The following PRKG1 variants were observed in gnomAD, a reference collection of about 807,000 sequenced individuals.
PRKG1 encodes protein kinase cGMP-dependent 1.
A neutral mutation model predicts 88.1 loss-of-function variants in PRKG1; 35 were observed. The ratio of observed to expected loss-of-function variants is 0.40; its 90% confidence interval spans 0.30 to 0.53. PRKG1 has a LOEUF of 0.53. PRKG1 is among the 20% of genes least tolerant of loss of function. The pLI is 0.59. For missense variants in PRKG1, 540 were observed against 839.8 expected, an observed-to-expected ratio of 0.64 and a Z score of 4.41; for synonymous variants, 303 against 292.5, an observed-to-expected ratio of 1.04 and a Z score of -0.37.
At chr10:51,677,894 T>A (rs985099456) in intron 3 of PRKG1, among the ~76,000 whole-genome samples, 1 of 152,184 alleles carries the variant, frequency 6.6e-6, no homozygotes, top group East Asian at 1.9e-4. Context: ...ACATGGAAGA[T>A]CCCATATTTT....
intron 3 of PRKG1, among the ~76,000 whole-genome samples, chr10:51,526,017 G>C (rs1477675820): frequency 6.6e-6 from 1 of 152,030 alleles, no homozygotes; most frequent in African/African-American, 2.4e-5. Context: ...ATGGGGTTTT[G>C]CCATGTTGGC....
intron 5 of PRKG1, among the ~76,000 whole-genome samples, chr10:51,963,029 A>G (rs942067067): frequency 2.0e-5 from 3 of 152,204 alleles, no homozygotes; most frequent in Non-Finnish European, 4.4e-5. Flanking sequence ...GTCATTTATC[A>G]TAGTAGAAAT....
intron 4 of PRKG1, among the ~76,000 whole-genome samples, chr10:51,897,162 A>C (rs987028385): frequency 6.6e-6 from 1 of 152,238 alleles, no homozygotes; most frequent in African/African-American, 2.4e-5. Context: ...AATGTCTAAT[A>C]AGCTTGCTAA....
At chr10:51,096,079 A>T (rs1844520127) in intron 1 of PRKG1, among the ~76,000 whole-genome samples, 1 of 152,126 alleles carries the variant, frequency 6.6e-6, no homozygotes, top group Non-Finnish European at 1.5e-5. Context: ...AATTAGAAAT[A>T]TGCAATTCTT....
At chr10:52,288,162 C>T (rs1223513568) in intron 14 of PRKG1, among the ~76,000 whole-genome samples, 2 of 152,132 alleles carry the variant, frequency 1.3e-5, no homozygotes, top group East Asian at 1.9e-4. Context: ...GAGGAAACAG[C>T]ATAACACTTA....
At chr10:51,464,031 G>C (rs1839813900) in intron 2 of PRKG1, among the ~76,000 whole-genome samples, 1 of 152,034 alleles carries the variant, frequency 6.6e-6, no homozygotes, top group Non-Finnish European at 1.5e-5. Flanking sequence ...CAACACTTTG[G>C]GAGGCCAAGG....
chr10:51,620,463 T>A (rs1351215213), intron 3 of PRKG1, among the ~76,000 whole-genome samples: 1 of 152,028 alleles, frequency 6.6e-6, no homozygotes, highest in Non-Finnish European at 1.5e-5. Flanking sequence ...TTTGGTACAG[T>A]CCTAGGTAAT....
chr10:51,376,635 C>T lies in PRKG1; in HGVS notation c.479-91088C>T, dbSNP rs1048652570. 7.2e-5 allele frequency among the ~76,000 whole-genome samples: 11 copies of T among 152,046 alleles called. 1 individual carries two copies. In the East Asian group the frequency reaches 1.5e-3, roughly 21 times the overall value. The stretch of plus-strand genomic sequence containing the variant: ...GCCCATTTATTTCAAGTCACATTTA[C>T]TAGGGTTTTGTTTGTTTTCTTGTTT... On this transcript the variant is annotated intron_variant, in intron 2 of 17. Coordinates refer to ENST00000373980, the MANE Select transcript of PRKG1 (RefSeq NM_006258.4).
intron 9 of PRKG1, among the ~76,000 whole-genome samples, chr10:52,215,884 T>C (rs1840097841): frequency 6.6e-6 from 1 of 152,170 alleles, no homozygotes; most frequent in African/African-American, 2.4e-5. Flanking sequence ...ATGTTTCACA[T>C]GAAGAACAAA....
At chr10:51,749,202 A>G (rs557824241) in intron 3 of PRKG1, among the ~76,000 whole-genome samples, 3 of 152,324 alleles carry the variant, frequency 2.0e-5, no homozygotes, top group East Asian at 3.9e-4. Flanking sequence ...TATGCCATCT[A>G]TGAGAAAATG....
chr10:52,120,806 G>T (rs1847803316), intron 7 of PRKG1, among the ~76,000 whole-genome samples: 1 of 152,068 alleles, frequency 6.6e-6, no homozygotes, highest in Non-Finnish European at 1.5e-5. Flanking sequence ...CACTCTGGCG[G>T]CTCTACGGTT....
chr10:51,895,152 G>T (rs1841812931), intron 4 of PRKG1, among the ~76,000 whole-genome samples: 1 of 152,164 alleles, frequency 6.6e-6, no homozygotes, highest in South Asian at 2.1e-4. Flanking sequence ...AGGTGTCGAA[G>T]AATTGAGTTT....
In PRKG1 at chr10:51,681,047, T is replaced by C. The variant is rs375848198; in HGVS notation, c.593-123538T>C. Reference sequence around the variant, plus strand: ...GTTTTAATAATATTAATGCTACAAATCAGTGATGACATTAGTTAGTTGATC... The same window carrying C: ...GTTTTAATAATATTAATGCTACAAACCAGTGATGACATTAGTTAGTTGATC... On this transcript the variant is annotated intron_variant, in intron 3 of 17. Coordinates refer to ENST00000373980, the MANE Select transcript of PRKG1 (RefSeq NM_006258.4). Among the ~76,000 whole-genome samples the C allele has an allele frequency of 9.8e-5, 15 of 152,314 alleles. No individual in the cohort carries two copies. The East Asian group carries it at 2.7e-3, about 27-fold the overall frequency.
At chr10:51,548,959 T>G (rs1842509926) in intron 3 of PRKG1, among the ~76,000 whole-genome samples, 1 of 151,940 alleles carries the variant, frequency 6.6e-6, no homozygotes, top group Non-Finnish European at 1.5e-5. Flanking sequence ...ACTTTCTTAG[T>G]GAATTTTACT....
In PRKG1 at chr10:51,907,558, T is replaced by A; in HGVS notation, c.750T>A (p.Asp250Glu). Residue 250 changes from aspartate (D) to glutamate (E), a missense_variant, in exon 5 of 18, where the codon GAT (aspartate) becomes GAA (glutamate). By Grantham distance (45) the Asp-to-Glu change is conservative (BLOSUM62 2). Transcript: ENST00000373980. ...AAGAGATCCTCAGCAAGCTTGCTGA[T>A]GTCCTTGAAGAGGTAATTGTTTTTA... ...LPEEILSKLADVLEETHYENG... is the reference protein window; with the variant it reads ...LPEEILSKLAEVLEETHYENG... 6.2e-7 allele frequency: 1 copy of A among 1,613,550 alleles called. No individual in the cohort carries two copies. Among genetic ancestry groups the A allele is most frequent in the Non-Finnish European group, 8.5e-7 (1 of 1,179,562 alleles).
chr10:51,075,708 T>C (rs1362208347), intron 1 of PRKG1, among the ~76,000 whole-genome samples: 1 of 152,242 alleles, frequency 6.6e-6, no homozygotes, highest in Admixed American at 6.5e-5. Context: ...TGCCTTACTC[T>C]TGGCTTCTAA....
At chr10:52,234,402 A>C (rs1175417302) in intron 9 of PRKG1, among the ~76,000 whole-genome samples, 1 of 152,150 alleles carries the variant, frequency 6.6e-6, no homozygotes, top group African/African-American at 2.4e-5. Flanking sequence ...AAGGCAAAGC[A>C]GTTGAAAACT....
intron 2 of PRKG1, among the ~76,000 whole-genome samples, chr10:51,428,514 A>G (rs1355179808): frequency 6.6e-6 from 1 of 152,208 alleles, no homozygotes; most frequent in African/African-American, 2.4e-5. Context: ...ATTTGATAAA[A>G]CAACCATTTC....
chr10:51,854,730 G>A (rs558731628), intron 4 of PRKG1, among the ~76,000 whole-genome samples: 12 of 152,258 alleles, frequency 7.9e-5, no homozygotes, highest in Admixed American at 3.9e-4. Context: ...TAAAGTTAGC[G>A]TAATCTGGGG....
Sources: allele counts gnomAD v4.1 joint callset (sites outside exome capture counted in the v4.1 genomes callset), GRCh38; gene constraint gnomAD v4.1.1; transcripts MANE v1.5; gene names NCBI Gene and HGNC (gene_info 2026-07-23, HGNC 2026-07-21).